Variants in CNST observed in about 807,000 individuals in gnomAD.
The protein encoded by CNST is consortin, connexin sorting protein.
CNST carries 39 observed loss-of-function variants against 72.4 expected under a neutral mutation model. The ratio of observed to expected loss-of-function variants is 0.54; its 90% CI spans 0.42 to 0.70. The LOEUF (loss-of-function observed/expected upper bound fraction) is 0.70, where lower values mean the gene tolerates loss of function less well. CNST is among the 30% of genes least tolerant of loss of function. The pLI is 0.00. For synonymous variants in CNST, 332 were observed against 320.1 expected, an observed-to-expected ratio of 1.04 and a Z score of -0.40; for missense variants, 871 against 868.5, an observed-to-expected ratio of 1.00 and a Z score of -0.04.
At chr1:246,642,867 T>G (rs1665810573) in intron 8 of CNST, among the ~76,000 whole-genome samples, 1 of 134,966 alleles carries the variant, frequency 7.4e-6, no homozygotes, top group Non-Finnish European at 1.6e-5. Context: ...GTGTTGATGA[T>G]GTCATAATTA....
chr1:246,635,242 A>G (rs1192001250), intron 6 of CNST, among the ~76,000 whole-genome samples: 1 of 151,758 alleles, frequency 6.6e-6, no homozygotes, highest in Non-Finnish European at 1.5e-5. Flanking sequence ...TATTCTTGAG[A>G]GTCGGGTTGG....
intron 2 of CNST, among the ~76,000 whole-genome samples, chr1:246,611,338 TG>T (rs1335188708): frequency 1.3e-5 from 2 of 151,970 alleles, no homozygotes; most frequent in Non-Finnish European, 2.9e-5. Context: ...TTCTGGATGT[TG>T]TTTTTTTTTA....
In CNST at chr1:246,647,535, C is replaced by T. The variant is rs1327656524; in HGVS notation, c.1334C>T (p.Ala445Val). Residue 445 changes from alanine to valine, a missense_variant, in exon 9 of 11, where the codon GCA becomes GTA. By Grantham distance (64) the Ala-to-Val change is moderately conservative. Coordinates refer to ENST00000366513, the MANE Select transcript of CNST (RefSeq NM_152609.3). ...ISPGCDRIPP[A>V]LISEGKYSQA... ...CCAGGCTGTGACCGTATACCTCCTG[C>T]ATTGATTTCTGAGGGTAAATATTCA... 6.2e-7 allele frequency: 1 copy of T among 1,614,064 alleles called. No individual in the cohort carries two copies. The highest frequency in any genetic ancestry group is 1.3e-5 in the African/African-American group (1 of 74,936).
intron 9 of CNST, among the ~76,000 whole-genome samples, chr1:246,657,456 T>G (rs754607851): frequency 4.6e-5 from 7 of 152,174 alleles, no homozygotes; most frequent in Non-Finnish European, 8.8e-5. Flanking sequence ...AAAAGGGTTT[T>G]GGTGGCAGAA....
At position 246,647,519 on chromosome 1, in the gene CNST, G is replaced by T. The variant is rs377601464; in HGVS notation, c.1318G>T (p.Asp440Tyr). Residue 440 changes from aspartate (D) to tyrosine (Y), a missense_variant, in exon 9 of 11, where the codon GAC (aspartate) becomes TAC (tyrosine). Transcript: ENST00000366513. ...AGAGCCGTTGATTTCACCAGGCTGTGACCGTATACCTCCTGCATTGATTTC... is the reference window on the plus strand; with the variant it reads ...AGAGCCGTTGATTTCACCAGGCTGTTACCGTATACCTCCTGCATTGATTTC... ...KTEPLISPGC[D>Y]RIPPALISEG... 4.3e-5 allele frequency: 69 copies of T among 1,614,042 alleles called. No homozygotes were observed. Among genetic ancestry groups the T allele is most frequent in the Middle Eastern group, 1.6e-4 (1 of 6,082 alleles).
intron 10 of CNST, among the ~76,000 whole-genome samples, chr1:246,664,441 T>A (rs1667280233): frequency 6.6e-6 from 1 of 152,024 alleles, no homozygotes; most frequent in African/African-American, 2.4e-5. Flanking sequence ...CTTTTTTTTT[T>A]TTTGAGAAGG....
At position 246,666,067 on chromosome 1, in the gene CNST, A is replaced by G. The variant is rs1175042286; in HGVS notation, c.*162A>G. On this transcript the variant is annotated 3_prime_UTR_variant, in exon 11 of 11. Transcript: ENST00000366513. Reference sequence around the variant, plus strand: ...AGTGGCAAGCCGGAGGAACTCTGTTAGAATAATCCACACAGTGAGGCAAAT... The same window carrying G: ...AGTGGCAAGCCGGAGGAACTCTGTTGGAATAATCCACACAGTGAGGCAAAT... 1.3e-5 allele frequency: 8 copies of G among 596,184 alleles called. No individual in the cohort carries two copies. The highest frequency in any genetic ancestry group is 4.4e-4 in the Middle Eastern group (1 of 2,248). The allele number at this position is 596,184 out of a possible 1,614,324, so 36.9% of individuals were successfully genotyped here.
chr1:246,614,187 A>C (rs1454249102), intron 2 of CNST, among the ~76,000 whole-genome samples: 2 of 152,172 alleles, frequency 1.3e-5, no homozygotes, highest in Non-Finnish European at 2.9e-5. Context: ...ATGGGACCCA[A>C]GTCTAAACAC....
At position 246,666,660 on chromosome 1, in the gene CNST, C is replaced by T. The variant is rs189933112; in HGVS notation, c.*755C>T. On this transcript the variant is annotated 3_prime_UTR_variant, in exon 11 of 11. Coordinates refer to ENST00000366513, the MANE Select transcript of CNST (RefSeq NM_152609.3). ...AACTTGATTAGCCAGAAATTAATCA[C>T]AGGCCTAGAGACCAAAGAAAAAGCT... is the stretch of plus-strand genomic sequence containing the variant. The T allele has an allele frequency of 1.1e-4, 17 of 152,306 alleles. No individual in the cohort carries two copies. Among genetic ancestry groups the T allele is most frequent in the Admixed American group, 6.5e-4 (10 of 15,304 alleles). The allele number at this position is 152,306 out of a possible 1,614,324, so 9.4% of individuals were successfully genotyped here. A position where few individuals can be genotyped will look rare whatever the true frequency, so the allele number is the denominator to read the frequency against.
intron 1 of CNST, among the ~76,000 whole-genome samples, chr1:246,584,930 T>C (rs1436363020): frequency 6.6e-6 from 1 of 152,224 alleles, no homozygotes; most frequent in Admixed American, 6.5e-5. Flanking sequence ...GAATATTACA[T>C]ATGAAAAGTT....
At chr1:246,661,084 C>G (rs566819869) in intron 10 of CNST, among the ~76,000 whole-genome samples, 1 of 152,284 alleles carries the variant, frequency 6.6e-6, no homozygotes, top group South Asian at 2.1e-4. Flanking sequence ...ATTCTCCTGC[C>G]TCAGCCTCCT....
At chr1:246,625,794 A>G (rs984675417) in intron 3 of CNST, among the ~76,000 whole-genome samples, 10 of 152,240 alleles carry the variant, frequency 6.6e-5, no homozygotes, top group African/African-American at 1.2e-4. Flanking sequence ...TCCATACCCA[A>G]TTCTCTCTTG....
rs951952338 is a variant in CNST, at chr1:246,666,989, G to A, written c.*1084G>A. 3 of 151,928 alleles carry A rather than the reference G, an allele frequency of 2.0e-5. No homozygotes were observed. The highest frequency in any genetic ancestry group is 4.4e-5 in the Non-Finnish European group (3 of 67,994). 9.4% of individuals were successfully genotyped at this position (151,928 alleles called of 1,614,324 possible). ...TTAGATCCTATTGCGGGGTCATTAC[G>A]CAAAAATTCAATCATACCTTCCATA... On this transcript the variant is annotated 3_prime_UTR_variant, in exon 11 of 11. Coordinates refer to ENST00000366513, the MANE Select transcript of CNST (RefSeq NM_152609.3).
intron 2 of CNST, among the ~76,000 whole-genome samples, chr1:246,596,111 T>C (rs539720567): frequency 2.0e-5 from 3 of 152,120 alleles, no homozygotes; most frequent in Non-Finnish European, 4.4e-5. Flanking sequence ...TTTCAAGCTG[T>C]GTTACAACAA....
chr1:246,572,825 A>G (rs1419859735), intron 1 of CNST, among the ~76,000 whole-genome samples: 1 of 152,124 alleles, frequency 6.6e-6, no homozygotes, highest in African/African-American at 2.4e-5. Flanking sequence ...AGCCTCTCAA[A>G]GTGCTGGGAT....
At chr1:246,608,432 G>GT (rs1423724861) in intron 2 of CNST, among the ~76,000 whole-genome samples, 2 of 152,232 alleles carry the variant, frequency 1.3e-5, no homozygotes, top group Non-Finnish European at 2.9e-5. Flanking sequence ...AATAAAACGT[G>GT]TTAAAGTGTA....
intron 2 of CNST, among the ~76,000 whole-genome samples, chr1:246,615,621 G>C (rs1191664325): frequency 2.0e-5 from 3 of 149,364 alleles, no homozygotes; most frequent in Admixed American, 6.7e-5. Context: ...GCTCACGCCT[G>C]TAATCCCAGC....
chr1:246,579,406 T>C (rs1276615498), intron 1 of CNST, among the ~76,000 whole-genome samples: 1 of 152,238 alleles, frequency 6.6e-6, no homozygotes, highest in African/African-American at 2.4e-5. Flanking sequence ...GTTTCAGTGA[T>C]GACAACAAAT....
Position 246,641,949 on chromosome 1 carries a change from T to C in CNST, c.849T>C (p.Ala283=), listed in dbSNP as rs1404722856. The C allele has an allele frequency of 2.5e-6, 4 of 1,609,784 alleles. No homozygotes were observed. Among genetic ancestry groups the C allele is most frequent in the Non-Finnish European group, 3.4e-6 (4 of 1,177,806 alleles). ...TGTTTTAAACTTTTTAGATAGCAGC[T>C]GTGGAGAAGTCCCAGGAAAGGAAAT... ...DPLLSKHKIA[A]VEKSQERKCS... is the part of the protein sequence containing the mutation. The change falls in exon 8 of 11, where the codon GCT becomes GCC. Residue 283 remains alanine, a synonymous_variant. Transcript: ENST00000366513.
Sources: gnomAD v4.1 joint callset for allele counts (sites outside exome capture counted in the v4.1 genomes callset) on GRCh38, gnomAD v4.1.1 for gene constraint, MANE v1.5 for transcripts, NCBI Gene and HGNC (gene_info 2026-07-23, HGNC 2026-07-21) for gene names.